Variants in ZCCHC10 observed in about 807,000 individuals in gnomAD.
ZCCHC10 encodes the protein zinc finger CCHC domain-containing protein 10.
Under a neutral mutation model 19.5 loss-of-function variants are expected in ZCCHC10, and 16 were observed. That is an observed-to-expected ratio of 0.82 (90% CI 0.56 to 1.25). ZCCHC10 has a LOEUF of 1.25. Among genes scored for constraint, ZCCHC10 ranks in the 50% most tolerant of loss-of-function variants. ZCCHC10 has a pLI of 0.00. For synonymous variants in ZCCHC10, 67 were observed against 72.5 expected (o/e 0.92, Z 0.38); for missense variants, 197 against 201.0 (o/e 0.98, Z 0.12).
At chr5:133,012,515 A>G (rs1763623257) in intron 2 of ZCCHC10, among the ~76,000 whole-genome samples, 1 of 152,006 alleles carries the variant, frequency 6.6e-6, no homozygotes, top group Non-Finnish European at 1.5e-5. Context: ...AGTAACAGAC[A>G]AAATGCCCTT....
At chr5:133,014,750 C>A (rs901740405) in intron 2 of ZCCHC10, among the ~76,000 whole-genome samples, 3 of 152,224 alleles carry the variant, frequency 2.0e-5, no homozygotes, top group Admixed American at 6.5e-5. Flanking sequence ...GGCCTTTCCA[C>A]AGTGCTTACA....
chr5:133,026,384 G>T, intron 1 of ZCCHC10, 113 bp downstream of exon 1: 2 of 1,453,214 alleles, frequency 1.4e-6, no homozygotes, highest in Non-Finnish European at 1.9e-6. Context: ...CCAGAAGAGT[G>T]TTTGAGAAAC....
intron 3 of ZCCHC10, 40 bp from the exon 4 acceptor site, chr5:133,000,213 G>A (rs1319703882): frequency 1.2e-6 from 2 of 1,611,790 alleles, no homozygotes; most frequent in African/African-American, 1.3e-5. Flanking sequence ...TGTTAATAGA[G>A]TGATTATACA....
At chr5:133,001,384 C>T (rs1054989877) in intron 3 of ZCCHC10, among the ~76,000 whole-genome samples, 1 of 148,554 alleles carries the variant, frequency 6.7e-6, no homozygotes, top group Non-Finnish European at 1.5e-5. Context: ...GAGCAAGACT[C>T]TGTCTCAAAA....
At chr5:133,019,437 C>A (rs1210669535) in intron 2 of ZCCHC10, among the ~76,000 whole-genome samples, 3 of 152,036 alleles carry the variant, frequency 2.0e-5, no homozygotes, top group South Asian at 2.1e-4. Context: ...TAAGGTAAGG[C>A]TGAGGGATGT....
At chr5:133,015,262 A>AT (rs1763846648) in intron 2 of ZCCHC10, among the ~76,000 whole-genome samples, 1 of 151,968 alleles carries the variant, frequency 6.6e-6, no homozygotes, top group African/African-American at 2.4e-5. Flanking sequence ...TATTTTTAGC[A>AT]GATACAGGGT....
chr5:133,004,548 C>T (rs895331645), intron 3 of ZCCHC10, among the ~76,000 whole-genome samples: 2 of 151,756 alleles, frequency 1.3e-5, no homozygotes, highest in African/African-American at 2.4e-5. Flanking sequence ...AGTGCAGTGG[C>T]GCGATCTCGG....
At chr5:133,020,594 CCTGT>C (rs1182414927) in intron 2 of ZCCHC10, among the ~76,000 whole-genome samples, 1 of 147,210 alleles carries the variant, frequency 6.8e-6, no homozygotes, top group African/African-American at 2.5e-5. Flanking sequence ...TACACGCTAG[CCTGT>C]CTGACAAAGC....
chr5:133,012,826 G>A (rs950045005), intron 2 of ZCCHC10, among the ~76,000 whole-genome samples: 5 of 151,960 alleles, frequency 3.3e-5, no homozygotes, highest in Admixed American at 1.3e-4. Context: ...CGAGGTGGGC[G>A]GATTACAAGG....
At position 133,002,002 on chromosome 5, in the gene ZCCHC10, G is replaced by A. The variant is rs567372335; in HGVS notation, c.270-1829C>T. ...TTTTGAGATGGAGTCTCCCTCTGTC[G>A]CCCAGGCAGGAGTGCAGTGCTGGAT... On this transcript the variant is annotated intron_variant, in intron 3 of 4. Transcript: ENST00000509437. Among the ~76,000 whole-genome samples, 24 of 110,562 alleles carry A rather than the reference G, an allele frequency of 2.2e-4. No individual in the cohort carries two copies. In the Admixed American group the frequency reaches 2.7e-3, roughly 13 times the overall value. The allele number at this position is 110,562 out of a possible 152,430, so 72.5% of individuals were successfully genotyped here. A position where few individuals can be genotyped will look rare whatever the true frequency, so the allele number is the denominator to read the frequency against.
intron 2 of ZCCHC10, chr5:133,019,165 G>A (rs1161821788): frequency 4.8e-6 from 2 of 420,016 alleles, no homozygotes; most frequent in East Asian, 7.9e-5. Context: ...AGGATCACCC[G>A]AGCTCAGGAG....
At position 132,998,518 on chromosome 5, in the gene ZCCHC10, TA is replaced by T. The variant is rs1762557885; in HGVS notation, c.*64del. 3.4e-6 allele frequency: 5 copies of T among 1,484,048 alleles called. No individual in the cohort carries two copies. In the East Asian group the frequency reaches 9.1e-5, roughly 27 times the overall value. 91.9% of individuals were successfully genotyped at this position (1,484,048 alleles called of 1,614,324 possible). Reference sequence around the variant, plus strand: ...TAACCTACTTGGCCTTAACATATTCTAAATTCCCTTTCAAGAATCACATCAA... The same window carrying T: ...TAACCTACTTGGCCTTAACATATTCTAATTCCCTTTCAAGAATCACATCAA... On this transcript the variant is annotated 3_prime_UTR_variant, in exon 5 of 5. Coordinates refer to ENST00000509437, the MANE Select transcript of ZCCHC10 (RefSeq NM_001300816.3).
chr5:133,013,277 A>G (rs992668477), intron 2 of ZCCHC10, among the ~76,000 whole-genome samples: 18 of 148,686 alleles, frequency 1.2e-4, no homozygotes, highest in Admixed American at 1.1e-3. Context: ...AAAAAAAAAA[A>G]GGGACTAGGA....
intron 1 of ZCCHC10, 68 bp downstream of exon 1, chr5:133,026,429 A>C (rs960014342): frequency 1.3e-6 from 2 of 1,589,792 alleles, no homozygotes; most frequent in Non-Finnish European, 1.7e-6. Context: ...GGGGTCCGAC[A>C]CCAGCCCGTT....
At chr5:133,008,632 C>T (rs529941819) in intron 2 of ZCCHC10, among the ~76,000 whole-genome samples, 182 of 151,296 alleles carry the variant, frequency 1.2e-3, no homozygotes, top group African/African-American at 3.1e-3. Flanking sequence ...TGGGAGGCCA[C>T]GGTGGAAAGA....
At position 133,025,511 on chromosome 5, in the gene ZCCHC10, A is replaced by AG. The variant is rs1219072510; in HGVS notation, c.41+985_41+986insC. On this transcript the variant is annotated intron_variant, in intron 1 of 4. Transcript: ENST00000509437. ...AGAGCAAGACTCCGCCTCAAAAAAAAAAAAAAAAAAAAAAAAAAAAAAGAA... is the reference window on the plus strand; with the variant it reads ...AGAGCAAGACTCCGCCTCAAAAAAAAGAAAAAAAAAAAAAAAAAAAAAAGAA... 5.0e-5 allele frequency among the ~76,000 whole-genome samples: 7 copies of AG among 140,082 alleles called. 1 individual carries two copies. Among genetic ancestry groups the AG allele is most frequent in the African/African-American group, 2.1e-4 (7 of 32,732 alleles). The allele number at this position is 140,082 out of a possible 152,430, so 91.9% of individuals were successfully genotyped here.
intron 3 of ZCCHC10, among the ~76,000 whole-genome samples, chr5:133,001,554 C>G (rs1454694501): frequency 1.3e-5 from 2 of 151,928 alleles, no homozygotes; most frequent in Non-Finnish European, 2.9e-5. Flanking sequence ...CTCTGCCTCC[C>G]AGCCTCAAGC....
chr5:133,003,424 C>T, intron 3 of ZCCHC10: 1 of 224,952 alleles, frequency 4.4e-6, no homozygotes, highest in Non-Finnish European at 9.1e-6. Context: ...GCCATCCGCA[C>T]AATTTTCCAC....
intron 2 of ZCCHC10, among the ~76,000 whole-genome samples, chr5:133,018,886 G>A (rs899907169): frequency 2.0e-5 from 3 of 152,104 alleles, no homozygotes; most frequent in African/African-American, 7.2e-5. Flanking sequence ...CCATTTCAAA[G>A]CCTTTCACGA....
Sources: allele counts gnomAD v4.1 joint callset (sites outside exome capture counted in the v4.1 genomes callset), GRCh38; gene constraint gnomAD v4.1.1; transcripts MANE v1.5; gene names NCBI Gene and HGNC (gene_info 2026-07-23, HGNC 2026-07-21).